The following EPB41L4B variants were observed in gnomAD, a reference collection of about 807,000 sequenced individuals.
EPB41L4B encodes erythrocyte membrane protein band 4.1 like 4B.
A neutral mutation model predicts 112.5 loss-of-function variants in EPB41L4B; 30 were observed. The observed-to-expected ratio is 0.27, with a 90% CI of 0.20 to 0.36. EPB41L4B has a LOEUF of 0.36. Among genes scored for constraint, EPB41L4B ranks in the 10% least tolerant of loss-of-function variants. The pLI, the probability that EPB41L4B is intolerant of heterozygous loss-of-function variation, is 1.00. For missense variants in EPB41L4B, 1,024 were observed against 1,133.3 expected (o/e 0.90, Z 1.38); for synonymous variants, 408 against 439.7 (o/e 0.93, Z 0.90).
chr9:109,222,453 C>T (rs1005574086), intron 15 of EPB41L4B, among the ~76,000 whole-genome samples: 1 of 152,192 alleles, frequency 6.6e-6, no homozygotes, highest in African/African-American at 2.4e-5. Flanking sequence ...GGAGATGCCA[C>T]TCACCGACTA....
intron 17 of EPB41L4B, among the ~76,000 whole-genome samples, chr9:109,208,558 A>C (rs1225670267): frequency 6.6e-6 from 1 of 152,196 alleles, no homozygotes; most frequent in Non-Finnish European, 1.5e-5. Context: ...TACTTCAGTA[A>C]TTTGCATGAC....
At chr9:109,292,810 T>C (rs1378843614) in intron 1 of EPB41L4B, among the ~76,000 whole-genome samples, 1 of 152,204 alleles carries the variant, frequency 6.6e-6, no homozygotes, top group African/African-American at 2.4e-5. Context: ...GTGTTAATGA[T>C]GTTCTGCGAT....
intron 14 of EPB41L4B, among the ~76,000 whole-genome samples, chr9:109,246,010 T>C (rs1455618015): frequency 6.6e-6 from 1 of 152,222 alleles, no homozygotes; most frequent in African/African-American, 2.4e-5. Flanking sequence ...TTTTCTCTCC[T>C]TCAAGCACTG....
chr9:109,245,982 G>A (rs776191122), intron 14 of EPB41L4B, among the ~76,000 whole-genome samples: 12 of 152,220 alleles, frequency 7.9e-5, no homozygotes, highest in Non-Finnish European at 1.6e-4. Flanking sequence ...GTGCTCAGCT[G>A]CTTTGCTTTT....
intron 18 of EPB41L4B, 49 bp from the exon 19 acceptor site, chr9:109,203,779 C>CA: frequency 6.7e-7 from 1 of 1,485,294 alleles, no homozygotes; most frequent in Non-Finnish European, 9.4e-7. Context: ...TGTTGGCATG[C>CA]AAAAAATGTT....
At chr9:109,189,766 C>T (rs7873710) in intron 22 of EPB41L4B, among the ~76,000 whole-genome samples, 22,520 of 151,144 alleles carry the variant, frequency 0.15, 3,447 homozygotes, top group African/African-American at 0.39. Context: ...GTAGCTGGGA[C>T]TACAGATGTG....
chr9:109,228,672 C>T (rs1235117726), intron 15 of EPB41L4B, among the ~76,000 whole-genome samples: 1 of 152,226 alleles, frequency 6.6e-6, no homozygotes, highest in Admixed American at 6.5e-5. Flanking sequence ...AGCTCTGTTT[C>T]TGCCTGTTAG....
chr9:109,189,876 G>A (rs970093320), intron 22 of EPB41L4B, among the ~76,000 whole-genome samples: 12 of 152,126 alleles, frequency 7.9e-5, no homozygotes, highest in African/African-American at 2.4e-4. Context: ...TGATCCACCC[G>A]CCTTGGCCTT....
intron 14 of EPB41L4B, among the ~76,000 whole-genome samples, chr9:109,244,683 G>A (rs1834484330): frequency 6.6e-6 from 1 of 152,068 alleles, no homozygotes; most frequent in African/African-American, 2.4e-5. Context: ...AGCCCTAGCC[G>A]GCTAGGTAGC....
At chr9:109,269,361 T>C (rs1255234544) in intron 2 of EPB41L4B, among the ~76,000 whole-genome samples, 2 of 152,174 alleles carry the variant, frequency 1.3e-5, no homozygotes, top group Non-Finnish European at 2.9e-5. Flanking sequence ...TCTGAGGAGA[T>C]TACAAAATCA....
rs1052813265 is a variant in EPB41L4B, at chr9:109,172,787, G to A, written c.*1767C>T. On this transcript the variant is annotated 3_prime_UTR_variant, in exon 26 of 26. Coordinates refer to ENST00000374566, the MANE Select transcript of EPB41L4B (RefSeq NM_019114.5). Reference sequence around the variant, plus strand: ...TTCAGCACTTAAAGGGTTAATCCTCGGTTATCTGAATATTCACATACATTC... The same window carrying A: ...TTCAGCACTTAAAGGGTTAATCCTCAGTTATCTGAATATTCACATACATTC... The A allele has an allele frequency of 4.6e-5, 7 of 152,506 alleles. No homozygotes were observed. Among genetic ancestry groups the A allele is most frequent in the South Asian group, 4.2e-4 (2 of 4,818 alleles). The allele number at this position is 152,506 out of a possible 1,614,324, so 9.4% of individuals were successfully genotyped here. A position where few individuals can be genotyped will look rare whatever the true frequency, so the allele number is the denominator to read the frequency against.
chr9:109,312,695 C>T (rs1169720676), intron 1 of EPB41L4B, among the ~76,000 whole-genome samples: 1 of 152,184 alleles, frequency 6.6e-6, no homozygotes, highest in Non-Finnish European at 1.5e-5. Flanking sequence ...GAGGATTCAA[C>T]AAGATAATCA....
At chr9:109,203,820 A>C in intron 18 of EPB41L4B, 90 bp from the exon 19 acceptor site, 1 of 1,101,354 alleles carries the variant, frequency 9.1e-7, no homozygotes, top group South Asian at 1.3e-5. Context: ...AAGATTATAG[A>C]AATTGGCAAG....
intron 1 of EPB41L4B, among the ~76,000 whole-genome samples, chr9:109,280,350 C>T (rs117992569): frequency 1.3e-5 from 2 of 152,154 alleles, no homozygotes; most frequent in East Asian, 3.8e-4. Context: ...TCCAGTCTTC[C>T]GATTTCACAA....
chr9:109,217,982 C>G (rs1833436061), intron 15 of EPB41L4B, among the ~76,000 whole-genome samples: 1 of 152,008 alleles, frequency 6.6e-6, no homozygotes, highest in Non-Finnish European at 1.5e-5. Flanking sequence ...ACTCTTGTAA[C>G]AGATTCCTGC....
chr9:109,288,708 G>A (rs1317652966), intron 1 of EPB41L4B, among the ~76,000 whole-genome samples: 1 of 95,996 alleles, frequency 1.0e-5, no homozygotes, highest in East Asian at 3.7e-4. Flanking sequence ...TGGTGACAGA[G>A]CGAGACTCCG....
intron 11 of EPB41L4B, 65 bp from the exon 12 acceptor site, chr9:109,253,615 A>C (rs1834876067): frequency 2.8e-6 from 3 of 1,061,320 alleles, no homozygotes; most frequent in Non-Finnish European, 4.4e-6. Context: ...CCTGTTTTTG[A>C]AAGTGCACTT....
chr9:109,280,935 G>A (rs970204865), intron 1 of EPB41L4B, among the ~76,000 whole-genome samples: 3 of 151,918 alleles, frequency 2.0e-5, no homozygotes, highest in Admixed American at 6.6e-5. Flanking sequence ...AAGAGTAGAC[G>A]GCAGCATATG....
intron 2 of EPB41L4B, among the ~76,000 whole-genome samples, chr9:109,274,401 G>C (rs1476895860): frequency 6.6e-6 from 1 of 152,092 alleles, no homozygotes; most frequent in African/African-American, 2.4e-5. Context: ...CTTTCTCTTG[G>C]ATATCTTGTT....
Sources: allele counts gnomAD v4.1 joint callset (sites outside exome capture counted in the v4.1 genomes callset), GRCh38; gene constraint gnomAD v4.1.1; transcripts MANE v1.5; gene names NCBI Gene and HGNC (gene_info 2026-07-23, HGNC 2026-07-21).